Variants in PRKN observed in about 807,000 individuals in gnomAD.
PRKN encodes the protein parkin RBR E3 ubiquitin protein ligase, also known as E3 ubiquitin-protein ligase parkin.
Under a neutral mutation model 59.5 loss-of-function variants are expected in PRKN, and 56 were observed. That is an observed-to-expected ratio of 0.94 (90% CI 0.76 to 1.18). PRKN has a LOEUF of 1.18. Ranked by LOEUF, PRKN falls within the 50% of genes most tolerant of loss-of-function variation. The probability of loss-of-function intolerance (pLI) is 0.00; values close to 1 mark genes in which losing one functional copy is unlikely to be tolerated. For missense variants in PRKN, 657 were observed against 596.4 expected (o/e 1.10, Z -1.06); for synonymous variants, 250 against 222.1 (o/e 1.13, Z -1.12).
At chr6:162,359,072 A>AT (rs1193139191) in intron 2 of PRKN, among the ~76,000 whole-genome samples, 4,191 of 112,180 alleles carry the variant, frequency 0.037, 70 homozygotes, top group African/African-American at 0.065. Flanking sequence ...AAAAAAAAAA[A>AT]AAAAAAAATA....
chr6:162,424,083 T>C (rs1789107415), intron 2 of PRKN, among the ~76,000 whole-genome samples: 1 of 152,138 alleles, frequency 6.6e-6, no homozygotes, highest in Non-Finnish European at 1.5e-5. Flanking sequence ...CAAAAAAAGA[T>C]ATATGTGACC....
In PRKN at chr6:162,443,370, C is replaced by T. The variant is rs77795533; in HGVS notation, c.111G>A (p.Pro37=). Residue 37 remains proline, a synonymous_variant, in exon 2 of 12, where the codon CCG becomes CCA. Transcript: ENST00000366898. ...CGAAAATCACACGCAACTGGTCAGCCGGAACCCCCTGTCGCTTAGCAACCA... is the reference window on the plus strand; with the variant it reads ...CGAAAATCACACGCAACTGGTCAGCTGGAACCCCCTGTCGCTTAGCAACCA... The part of the protein sequence containing the change: ...KEVVAKRQGV[P]ADQLRVIFAG... 9,592 of 1,613,604 alleles carry T rather than the reference C, an allele frequency of 5.9e-3. 497 individuals are homozygous for T. In the African/African-American group the frequency reaches 0.11, roughly 18 times the overall value.
At chr6:161,779,626 G>A (rs957328616) in intron 7 of PRKN, among the ~76,000 whole-genome samples, 1 of 151,142 alleles carries the variant, frequency 6.6e-6, no homozygotes, top group Non-Finnish European at 1.5e-5. Context: ...TGTATTTTTA[G>A]TAGAGACAGG....
At chr6:162,130,287 A>C (rs1006055650) in intron 4 of PRKN, among the ~76,000 whole-genome samples, 9 of 152,120 alleles carry the variant, frequency 5.9e-5, no homozygotes, top group Non-Finnish European at 1.5e-5. Flanking sequence ...AGTCAAACCC[A>C]TTCATTTCAT....
chr6:161,764,589 A>G (rs1008235840), intron 7 of PRKN, among the ~76,000 whole-genome samples: 1 of 152,232 alleles, frequency 6.6e-6, no homozygotes, highest in Non-Finnish European at 1.5e-5. Context: ...TAAGCTATTG[A>G]TACAAGTTTT....
At position 162,305,341 on chromosome 6, in the gene PRKN, T is replaced by C. The variant is rs146906914; in HGVS notation, c.172-42576A>G. On this transcript the variant is annotated intron_variant, in intron 2 of 11. Coordinates refer to ENST00000366898, the MANE Select transcript of PRKN (RefSeq NM_004562.3). ...TATGATACATCCAGAAAGATGAAGA[T>C]AAACATGACATGTTTATAATGTGAT... 8.5e-5 allele frequency among the ~76,000 whole-genome samples: 13 copies of C among 152,322 alleles called. No homozygotes were observed. In the East Asian group the frequency reaches 1.7e-3, roughly 20 times the overall value.
chr6:161,948,625 T>G (rs1393377305), intron 6 of PRKN, among the ~76,000 whole-genome samples: 2 of 152,136 alleles, frequency 1.3e-5, no homozygotes, highest in African/African-American at 4.8e-5. Flanking sequence ...AACAGAGACC[T>G]GAGACCTGGA....
At chr6:161,750,114 T>C (rs1013783570) in intron 7 of PRKN, among the ~76,000 whole-genome samples, 7,701 of 137,324 alleles carry the variant, frequency 0.056, 683 homozygotes, top group African/African-American at 0.19. Context: ...TATATATATA[T>C]ATATACACAC....
chr6:161,616,546 T>G (rs1226132998), intron 7 of PRKN, among the ~76,000 whole-genome samples: 1 of 152,138 alleles, frequency 6.6e-6, no homozygotes, highest in African/African-American at 2.4e-5. Context: ...TTTCTCCTAA[T>G]GCTATCCCTC....
intron 6 of PRKN, among the ~76,000 whole-genome samples, chr6:161,811,915 CTG>C (rs1791579706): frequency 6.6e-6 from 1 of 150,982 alleles, no homozygotes; most frequent in South Asian, 2.1e-4. Flanking sequence ...GAGCAAGACT[CTG>C]TCTCAAAAAT....
rs1554267941 is a variant in PRKN, at chr6:161,499,132, A to ACACAT, written c.1083+49721_1083+49722insATGTG. Among the ~76,000 whole-genome samples, 275 of 136,562 alleles carry ACACAT rather than the reference A, an allele frequency of 2.0e-3. 3 individuals carry two copies. The highest frequency in any genetic ancestry group is 6.6e-3 in the African/African-American group (242 of 36,866). The allele number at this position is 136,562 out of a possible 152,430, so 89.6% of individuals were successfully genotyped here. A position where few individuals can be genotyped will look rare whatever the true frequency, so the allele number is the denominator to read the frequency against. On this transcript the variant is annotated intron_variant, in intron 9 of 11. Coordinates refer to ENST00000366898, the MANE Select transcript of PRKN (RefSeq NM_004562.3). This position sits in a 1 kb window ranked among gnomAD's most constrained non-coding sequence, Gnocchi z 4.2. The stretch of plus-strand genomic sequence containing the variant: ...AGGGTCTGGACACACACACACACAC[A>ACACAT]TTTTTTTTTTTTTTTTGGCTCACAG...
At chr6:162,558,264 T>C (rs1211837064) in intron 1 of PRKN, among the ~76,000 whole-genome samples, 1 of 152,058 alleles carries the variant, frequency 6.6e-6, no homozygotes, top group Non-Finnish European at 1.5e-5. Context: ...TTCAAACTAT[T>C]CCGGATTCCC....
chr6:162,087,251 G>A (rs1397449864), intron 4 of PRKN, among the ~76,000 whole-genome samples: 1 of 152,094 alleles, frequency 6.6e-6, no homozygotes, highest in Non-Finnish European at 1.5e-5. Flanking sequence ...TGTTTCAAAT[G>A]AAAATGCCCC....
chr6:162,714,587 A>G (rs1401626284), intron 1 of PRKN, among the ~76,000 whole-genome samples: 1 of 152,196 alleles, frequency 6.6e-6, no homozygotes, highest in East Asian at 1.9e-4. Context: ...ATTAAATTGA[A>G]ATGATTGGAT....
intron 7 of PRKN, among the ~76,000 whole-genome samples, chr6:161,650,529 G>A (rs1358385046): frequency 6.6e-6 from 1 of 152,156 alleles, no homozygotes; most frequent in Non-Finnish European, 1.5e-5. Flanking sequence ...AAGAGAAAGA[G>A]AGAGAGAGAG....
At chr6:162,270,612 C>G (rs188091722) in intron 2 of PRKN, 2 of 152,156 alleles carry the variant, frequency 1.3e-5, no homozygotes, top group Admixed American at 1.3e-4. Flanking sequence ...TTTTAATAGA[C>G]TACATTTTCT....
intron 9 of PRKN, among the ~76,000 whole-genome samples, chr6:161,450,078 C>A (rs9968964): frequency 0.029 from 4,473 of 152,264 alleles, 223 homozygotes; most frequent in African/African-American, 0.1. Flanking sequence ...ACATGGGGAA[C>A]TGAAAATAAA....
intron 9 of PRKN, among the ~76,000 whole-genome samples, chr6:161,504,527 C>CTT (rs66831164): frequency 6.7e-6 from 1 of 149,230 alleles, no homozygotes; most frequent in Admixed American, 6.6e-5. Flanking sequence ...GTGAAACTTT[C>CTT]TTTTTTATTA....
chr6:161,500,550 C>T (rs150110160), intron 9 of PRKN, among the ~76,000 whole-genome samples: 1 of 152,334 alleles, frequency 6.6e-6, no homozygotes, highest in East Asian at 1.9e-4. Context: ...GCTGAAACCA[C>T]ACAGTATGTA....
Sources: gnomAD v4.1 joint callset for allele counts (sites outside exome capture counted in the v4.1 genomes callset) on GRCh38, gnomAD v4.1.1 for gene constraint, Gnocchi (gnomAD v3.1) non-coding constraint, MANE v1.5 for transcripts, NCBI Gene and HGNC (gene_info 2026-07-23, HGNC 2026-07-21) for gene names.